Variants in CDC14A observed in about 807,000 individuals in gnomAD.
CDC14A encodes dual specificity protein phosphatase CDC14A.
In CDC14A, 53 loss-of-function variants were observed where a neutral mutation model predicts 74.4. The ratio of observed to expected loss-of-function variants is 0.71; its 90% CI spans 0.57 to 0.89. CDC14A has a LOEUF of 0.89. Ranked by LOEUF, CDC14A falls within the 40% of genes least tolerant of loss-of-function variation. The probability of loss-of-function intolerance (pLI) is 0.00; values close to 1 mark genes in which losing one functional copy is unlikely to be tolerated. For synonymous variants in CDC14A, 247 were observed against 258.4 expected (o/e 0.96, Z 0.43); for missense variants, 646 against 713.7 (o/e 0.91, Z 1.08).
At chr1:100,453,255 C>G (rs1666327292) in intron 7 of CDC14A, among the ~76,000 whole-genome samples, 1 of 152,152 alleles carries the variant, frequency 6.6e-6, no homozygotes, top group Non-Finnish European at 1.5e-5. Context: ...TAAAAGGTTG[C>G]TATTTAACCA....
At chr1:100,459,124 C>CAGAGAGAGAGAGAG (rs1212963314) in intron 8 of CDC14A, among the ~76,000 whole-genome samples, 7 of 146,848 alleles carry the variant, frequency 4.8e-5, no homozygotes, top group African/African-American at 1.5e-4. Flanking sequence ...CACACACACA[C>CAGAGAGAGAGAGAG]ACAGAGAGAG....
intron 6 of CDC14A, among the ~76,000 whole-genome samples, chr1:100,442,036 A>G (rs1294226684): frequency 6.6e-6 from 1 of 152,066 alleles, no homozygotes; most frequent in African/African-American, 2.4e-5. Flanking sequence ...TTCATGATTT[A>G]TAAAATAAAA....
At chr1:100,504,141 T>TA (rs1649027820) in intron 15 of CDC14A, among the ~76,000 whole-genome samples, 1 of 152,220 alleles carries the variant, frequency 6.6e-6, no homozygotes, top group Non-Finnish European at 1.5e-5. Context: ...GTTGATTGGA[T>TA]AAAATGATGG....
At chr1:100,467,626 A>T (rs890720342) in intron 9 of CDC14A, among the ~76,000 whole-genome samples, 2 of 151,926 alleles carry the variant, frequency 1.3e-5, no homozygotes, top group Admixed American at 1.3e-4. Context: ...CCAACCCCCC[A>T]GCCACCCTTG....
At position 100,519,103 on chromosome 1, in the gene CDC14A, CA is replaced by C. The variant is rs1650466862; in HGVS notation, c.*825del. ...CATGGTTTTTCTCTATGAAATGACT[CA>C]ATATTCCAAATGTTTTTTTTTCCTT... On this transcript the variant is annotated 3_prime_UTR_variant, in exon 16 of 16. Transcript: ENST00000336454. 6.6e-6 allele frequency: 1 copy of C among 152,000 alleles called. No individual in the cohort carries two copies. The highest frequency in any genetic ancestry group is 2.4e-5 in the African/African-American group (1 of 41,390). The allele number at this position is 152,000 out of a possible 1,614,324, so 9.4% of individuals were successfully genotyped here.
intron 4 of CDC14A, among the ~76,000 whole-genome samples, chr1:100,399,652 T>A (rs1473008772): frequency 6.6e-6 from 1 of 152,198 alleles, no homozygotes; most frequent in African/African-American, 2.4e-5. Context: ...TGTGTTTTTA[T>A]ATTTGTTTCC....
intron 15 of CDC14A, among the ~76,000 whole-genome samples, chr1:100,513,712 G>C (rs986003821): frequency 2.6e-5 from 4 of 151,872 alleles, no homozygotes; most frequent in Non-Finnish European, 5.9e-5. Context: ...TAGGTAACTG[G>C]GCTGTTTAAA....
intron 5 of CDC14A, among the ~76,000 whole-genome samples, chr1:100,434,778 A>G (rs1377666159): frequency 6.6e-6 from 1 of 152,260 alleles, no homozygotes; most frequent in African/African-American, 2.4e-5. Flanking sequence ...TTCTTCTTAC[A>G]TAGTGAGTTT....
intron 4 of CDC14A, among the ~76,000 whole-genome samples, chr1:100,419,645 C>A (rs1466919874): frequency 2.0e-5 from 3 of 152,124 alleles, no homozygotes; most frequent in Non-Finnish European, 4.4e-5. Flanking sequence ...TAAATGGAGT[C>A]TCTCCTTTTT....
chr1:100,452,162 G>T (rs1666208394), intron 7 of CDC14A, among the ~76,000 whole-genome samples: 1 of 152,132 alleles, frequency 6.6e-6, no homozygotes, highest in African/African-American at 2.4e-5. Context: ...TCAGTGTTTG[G>T]ACAGAAAAAT....
At chr1:100,387,928 T>G (rs1657104849) in intron 3 of CDC14A, among the ~76,000 whole-genome samples, 1 of 152,140 alleles carries the variant, frequency 6.6e-6, no homozygotes, top group Non-Finnish European at 1.5e-5. Context: ...GCACTATAAC[T>G]TGTCCCTTTC....
At chr1:100,459,616 TA>T (rs1461686611) in intron 8 of CDC14A, among the ~76,000 whole-genome samples, 1 of 152,180 alleles carries the variant, frequency 6.6e-6, no homozygotes, top group African/African-American at 2.4e-5. Context: ...AAGAGATGAA[TA>T]AAAACATCTC....
chr1:100,475,552 C>T (rs114634790), intron 10 of CDC14A, among the ~76,000 whole-genome samples: 8,639 of 152,146 alleles, frequency 0.057, 823 homozygotes, highest in African/African-American at 0.2. Flanking sequence ...GTGGTGGCAG[C>T]TGGGTTGGGG....
chr1:100,367,835 C>T (rs1653870260), intron 2 of CDC14A, among the ~76,000 whole-genome samples: 1 of 152,142 alleles, frequency 6.6e-6, no homozygotes, highest in Non-Finnish European at 1.5e-5. Flanking sequence ...TACCTTTAAC[C>T]TGAGGCTCTT....
intron 15 of CDC14A, among the ~76,000 whole-genome samples, chr1:100,516,962 ACTAC>A (rs1447889610): frequency 6.6e-6 from 1 of 152,216 alleles, no homozygotes; most frequent in Non-Finnish European, 1.5e-5. Flanking sequence ...CATTTCCCTT[ACTAC>A]CTCTCACCTA....
chr1:100,494,130 G>A (rs1363759240), intron 11 of CDC14A, among the ~76,000 whole-genome samples: 1 of 152,110 alleles, frequency 6.6e-6, no homozygotes, highest in Non-Finnish European at 1.5e-5. Context: ...TGGGAGCTTG[G>A]GCAATATTCC....
chr1:100,404,552 C>T (rs182925283), intron 4 of CDC14A, among the ~76,000 whole-genome samples: 7 of 152,322 alleles, frequency 4.6e-5, no homozygotes, highest in African/African-American at 1.4e-4. Context: ...AGTGGGATGG[C>T]TGGCGTGGTG....
At chr1:100,475,392 G>A (rs1259443547) in intron 10 of CDC14A, among the ~76,000 whole-genome samples, 3 of 152,090 alleles carry the variant, frequency 2.0e-5, no homozygotes, top group African/African-American at 7.2e-5. Flanking sequence ...TGTCATCTTG[G>A]TGTTGGCATT....
chr1:100,512,325 AG>A (rs1285676049), intron 15 of CDC14A, among the ~76,000 whole-genome samples: 5 of 152,140 alleles, frequency 3.3e-5, no homozygotes, highest in Admixed American at 2.0e-4. Context: ...TTGAACTAAA[AG>A]TCAGATAATG....
Sources: allele counts gnomAD v4.1 joint callset (sites outside exome capture counted in the v4.1 genomes callset), GRCh38; gene constraint gnomAD v4.1.1; transcripts MANE v1.5; gene names NCBI Gene and HGNC (gene_info 2026-07-23, HGNC 2026-07-21).